The following SEC14L3 variants were observed in gnomAD, a reference collection of about 807,000 sequenced individuals.
SEC14L3 encodes SEC14 like lipid binding 3, also known as SEC14-like protein 3.
Under a neutral mutation model 57.4 loss-of-function variants are expected in SEC14L3, and 56 were observed. The ratio of observed to expected loss-of-function variants is 0.97; its 90% CI spans 0.79 to 1.22. The LOEUF (loss-of-function observed/expected upper bound fraction) is 1.22, where lower values mean the gene tolerates loss of function less well. Among genes scored for constraint, SEC14L3 ranks in the 50% most tolerant of loss-of-function variants. SEC14L3 has a pLI of 0.00. For missense variants in SEC14L3, 485 were observed against 511.7 expected, an observed-to-expected ratio of 0.95 and a Z score of 0.50; for synonymous variants, 173 against 194.4, an observed-to-expected ratio of 0.89 and a Z score of 0.92.
downstream of SEC14L3, among the ~76,000 whole-genome samples, chr22:30,457,404 A>G (rs1380980923): frequency 3.4e-5 from 4 of 118,064 alleles, no homozygotes; most frequent in Non-Finnish European, 6.7e-5. Flanking sequence ...TTTTTTTTAG[A>G]TGGAGTCTTG....
rs112767162 is a variant in SEC14L3 at position 30,467,322 on chromosome 22, C to T, written c.424-245G>A. ...ACCCACCCACCCCCGTATATATCAA[C>T]TTACTCATCAATTAATTGAACCATC... is the stretch of plus-strand genomic sequence containing the variant. On this transcript the variant is annotated intron_variant, in intron 5 of 11. Coordinates refer to ENST00000215812, the MANE Select transcript of SEC14L3 (RefSeq NM_174975.5). 9.3e-3 allele frequency among the ~76,000 whole-genome samples: 1,410 copies of T among 150,882 alleles called. 14 individuals carry two copies. The highest frequency in any genetic ancestry group is 0.027 in the African/African-American group (1,124 of 41,302).
At chr22:30,451,325 G>A (rs1934976685) in intron 12 of SEC14L3, among the ~76,000 whole-genome samples, 2 of 152,084 alleles carry the variant, frequency 1.3e-5, no homozygotes, top group South Asian at 4.1e-4. Context: ...TCGGGGAGGG[G>A]ATGGACACTG....
chr22:30,466,953 C>G, intron 6 of SEC14L3, 29 bp downstream of exon 6: 1 of 1,592,738 alleles, frequency 6.3e-7, no homozygotes, highest in Non-Finnish European at 8.6e-7. Context: ...TCAAAGCAAG[C>G]GGGGGGTGGC....
exon 13 of SEC14L3, chr22:30,449,219 A>G: frequency 1.3e-6 from 2 of 1,550,582 alleles, no homozygotes; most frequent in Non-Finnish European, 1.7e-6. Context: ...GATGACAGCA[A>G]GACTTCCCAG....
At chr22:30,471,729 G>C (rs1160660843) in intron 1 of SEC14L3, among the ~76,000 whole-genome samples, 176 bp downstream of exon 1, 2 of 152,230 alleles carry the variant, frequency 1.3e-5, no homozygotes, top group African/African-American at 4.8e-5. Flanking sequence ...CCCCCGCCCG[G>C]GACAGGGTTG....
Position 30,466,385 on chromosome 22 carries a change from G to A in SEC14L3, c.529C>T (p.Leu177Phe), listed in dbSNP as rs756791332. The change falls in exon 7 of 12, where the codon CTC (leucine) becomes TTC (phenylalanine). Residue 177 changes from leucine (L) to phenylalanine (F), a missense_variant. Physicochemically the swap from Leu to Phe is conservative, Grantham distance 22. Coordinates refer to ENST00000215812, the MANE Select transcript of SEC14L3 (RefSeq NM_174975.5). ...LVEVYQEFFG[L>F]LEENYPETLK... is the part of the protein sequence containing the mutation. The stretch of plus-strand genomic sequence containing the variant: ...GTCTCTGGGTAATTCTCTTCAAGGA[G>A]GCCAAAGAACTGTGGAACCAAGAGA... 47 of 1,613,940 alleles carry A rather than the reference G, an allele frequency of 2.9e-5. No individual in the cohort carries two copies. Among genetic ancestry groups the A allele is most frequent in the South Asian group, 4.4e-5 (4 of 91,070 alleles).
In SEC14L3 at chr22:30,466,936, C is replaced by G. The variant is rs775365010; in HGVS notation, c.519+46G>C. ...AGCAGCTGGGTCATGGCAGGCCAAG[C>G]TGGTCATCAAAGCAAGCGGGGGGTG... On this transcript the variant is annotated intron_variant, in intron 6 of 11. Transcript: ENST00000215812. 1.4e-5 allele frequency: 22 copies of G among 1,572,904 alleles called. No individual in the cohort carries two copies. The East Asian group carries it at 4.1e-4, about 29-fold the overall frequency.
Position 30,447,962 on chromosome 22 carries a change from G to A in SEC14L3, c.*1125C>T, listed in dbSNP as rs1472224634. 3.6e-5 allele frequency: 5 copies of A among 140,236 alleles called. No homozygotes were observed. In the Admixed American group the frequency reaches 3.6e-4, roughly 10 times the overall value. The allele number at this position is 140,236 out of a possible 1,614,324, so 8.7% of individuals were successfully genotyped here. On this transcript the variant is annotated 3_prime_UTR_variant, in exon 13 of 13. Transcript: ENST00000403066. ...GGGCAATGTTTTTTTTTTTTTTCAT[G>A]ATGGCTGCCCCCAAGGGTCTTCTGC...
At chr22:30,449,641 T>A (rs1381514283) in intron 12 of SEC14L3, among the ~76,000 whole-genome samples, 1 of 151,218 alleles carries the variant, frequency 6.6e-6, no homozygotes. Context: ...CTCAGCTCAC[T>A]GCAACCTCCG....
At chr22:30,451,285 G>C (rs371095564) in intron 12 of SEC14L3, among the ~76,000 whole-genome samples, 3 of 152,130 alleles carry the variant, frequency 2.0e-5, no homozygotes, top group Non-Finnish European at 2.9e-5. Context: ...GCAGGGGAGC[G>C]TGAAGAGATC....
At chr22:30,455,237 T>TAATA (rs1935100645), downstream of SEC14L3, among the ~76,000 whole-genome samples, 1 of 122,350 alleles carries the variant, frequency 8.2e-6, no homozygotes, top group Non-Finnish European at 1.6e-5. Flanking sequence ...TATATAATAT[T>TAATA]TAATATATTA....
chr22:30,471,155 CAT>C (rs1935597744), intron 1 of SEC14L3: 2 of 361,270 alleles, frequency 5.5e-6, no homozygotes, highest in Non-Finnish European at 5.3e-6. Context: ...TGTGGTGGCA[CAT>C]GCCTGTAATC....
intron 8 of SEC14L3, among the ~76,000 whole-genome samples, chr22:30,464,391 T>G (rs948589543): frequency 6.6e-6 from 1 of 152,190 alleles, no homozygotes; most frequent in Admixed American, 6.5e-5. Context: ...TAAAACCCAC[T>G]TCACTGTTGG....
At chr22:30,461,206 C>T in intron 11 of SEC14L3, 104 bp downstream of exon 11, 1 of 1,383,556 alleles carries the variant, frequency 7.2e-7, no homozygotes, top group Non-Finnish European at 9.8e-7. Flanking sequence ...GCTGTGTGTC[C>T]CTGAATGGGG....
intron 12 of SEC14L3, among the ~76,000 whole-genome samples, chr22:30,451,991 CAAAAA>C (rs34799395): frequency 8.9e-5 from 3 of 33,836 alleles, no homozygotes; most frequent in African/African-American, 4.5e-4. Context: ...GACTCCATCT[CAAAAA>C]AAAAAAAAAA....
chr22:30,466,004 G>A lies in SEC14L3; in HGVS notation c.580+330C>T, dbSNP rs530482339. Among the ~76,000 whole-genome samples, 152 of 152,300 alleles carry A rather than the reference G, an allele frequency of 1.0e-3. 1 individual carries two copies. The highest frequency in any genetic ancestry group is 3.5e-3 in the African/African-American group (147 of 41,554). On this transcript the variant is annotated intron_variant, in intron 7 of 11. Transcript: ENST00000215812. ...CAGGATGAGCACAAATAAAACAGCTGGAGATCCCTAAAAGGCAGCAAACAG... is the reference window on the plus strand; with the variant it reads ...CAGGATGAGCACAAATAAAACAGCTAGAGATCCCTAAAAGGCAGCAAACAG...
chr22:30,470,430 T>G, intron 2 of SEC14L3, 77 bp downstream of exon 2: 1 of 1,607,110 alleles, frequency 6.2e-7, no homozygotes, highest in Non-Finnish European at 8.5e-7. Flanking sequence ...CTGAGAGCCA[T>G]GAGACACTCT....
intron 11 of SEC14L3, 66 bp from the exon 12 acceptor site, chr22:30,460,208 C>T: frequency 6.3e-7 from 1 of 1,584,208 alleles, no homozygotes; most frequent in Admixed American, 1.7e-5. Flanking sequence ...CACCCCTGGC[C>T]ATGGAGGAGG....
chr22:30,467,664 A>G (rs1935464229), intron 5 of SEC14L3, among the ~76,000 whole-genome samples: 1 of 152,196 alleles, frequency 6.6e-6, no homozygotes, highest in Admixed American at 6.5e-5. Context: ...TCTAAGTTTC[A>G]GACCTAAAGG....
Sources: allele counts gnomAD v4.1 joint callset (sites outside exome capture counted in the v4.1 genomes callset), GRCh38; gene constraint gnomAD v4.1.1; transcripts MANE v1.5; gene names NCBI Gene and HGNC (gene_info 2026-07-23, HGNC 2026-07-21).